ADAM19: variants seen among roughly 807,000 people sequenced by gnomAD.
ADAM19 encodes the protein ADAM metallopeptidase domain 19.
ADAM19 carries 65 observed loss-of-function variants against 114.7 expected under a neutral mutation model. The ratio of observed to expected loss-of-function variants is 0.57; its 90% CI spans 0.46 to 0.70. The LOEUF (loss-of-function observed/expected upper bound fraction) is 0.70, where lower values mean the gene tolerates loss of function less well. Among genes scored for constraint, ADAM19 ranks in the 30% least tolerant of loss-of-function variants. ADAM19 has a pLI of 0.00. For missense variants in ADAM19, 1,063 were observed against 1,204.7 expected (o/e 0.88, Z 1.74); for synonymous variants, 466 against 460.5 (o/e 1.01, Z -0.15).
chr5:157,573,211 T>C (rs987150934), intron 1 of ADAM19, among the ~76,000 whole-genome samples: 1 of 152,132 alleles, frequency 6.6e-6, no homozygotes, highest in African/African-American at 2.4e-5. Flanking sequence ...AGGAACATAG[T>C]ACATGTTAAG....
At position 157,561,586 on chromosome 5, in the gene ADAM19, G is replaced by A. The variant is rs560404484; in HGVS notation, c.251+2787C>T. Among the ~76,000 whole-genome samples the A allele has an allele frequency of 1.4e-3, 210 of 152,154 alleles. 1 individual carries two copies. Among genetic ancestry groups the A allele is most frequent in the African/African-American group, 4.9e-3 (205 of 41,510 alleles). On this transcript the variant is annotated intron_variant, in intron 3 of 22. Coordinates refer to ENST00000257527, the MANE Select transcript of ADAM19 (RefSeq NM_033274.5). ...ATCATCTATTAGGGCCTTGGAACGT[G>A]GCTGTTCCCTCTCCTTGGAATTGTC...
chr5:157,530,795 A>C lies in ADAM19; in HGVS notation c.407+12T>G, dbSNP rs777072888. ...AGTGCCCGGTGCCACCTGCAGCCTC[A>C]GGGTCTCTTACCTAATTCCTCGGCA... is the stretch of plus-strand genomic sequence containing the variant. On this transcript the variant is annotated intron_variant, in intron 5 of 22. Coordinates refer to ENST00000257527, the MANE Select transcript of ADAM19 (RefSeq NM_033274.5). The C allele has an allele frequency of 6.2e-7, 1 of 1,612,682 alleles. No individual in the cohort carries two copies. The highest frequency in any genetic ancestry group is 8.5e-7 in the Non-Finnish European group (1 of 1,178,750).
chr5:157,484,389 C>T (rs112372161), intron 21 of ADAM19, among the ~76,000 whole-genome samples: 19 of 152,218 alleles, frequency 1.2e-4, no homozygotes, highest in Non-Finnish European at 2.5e-4. Flanking sequence ...GTGCTCAACA[C>T]GTATTAGTTG....
At chr5:157,525,345 G>T (rs1268627782) in intron 5 of ADAM19, among the ~76,000 whole-genome samples, 1 of 152,068 alleles carries the variant, frequency 6.6e-6, no homozygotes, top group Non-Finnish European at 1.5e-5. Flanking sequence ...TCTGCCCCAG[G>T]CTCCCACCTC....
intron 12 of ADAM19, among the ~76,000 whole-genome samples, chr5:157,501,420 A>G (rs1755559054): frequency 6.6e-6 from 1 of 152,160 alleles, no homozygotes; most frequent in Non-Finnish European, 1.5e-5. Flanking sequence ...TTTTGCAATT[A>G]TTTCAATATG....
chr5:157,539,352 G>C (rs1756852844), intron 3 of ADAM19, among the ~76,000 whole-genome samples: 1 of 152,138 alleles, frequency 6.6e-6, no homozygotes, highest in Non-Finnish European at 1.5e-5. Context: ...TGTAGGCTGA[G>C]GCCAGCACAG....
intron 12 of ADAM19, 114 bp from the exon 13 acceptor site, chr5:157,499,776 T>G: frequency 2.0e-5 from 6 of 300,626 alleles, no homozygotes; most frequent in Non-Finnish European, 2.4e-5. Context: ...ACTATCTCTT[T>G]TTTTTTTTTT....
In ADAM19 at chr5:157,491,658, C is replaced by G. The variant is rs763343405; in HGVS notation, c.2052G>C (p.Pro684=). The G allele has an allele frequency of 1.9e-6, 3 of 1,566,052 alleles. No individual in the cohort carries two copies. The highest frequency in any genetic ancestry group is 1.7e-6 in the Non-Finnish European group (2 of 1,154,546). Residue 684 remains proline, a synonymous_variant, in exon 18 of 23, where the codon CCG becomes CCC. Coordinates refer to ENST00000257527, the MANE Select transcript of ADAM19 (RefSeq NM_033274.5). ...PGWAPPFCNT[P]GHGGSIDSGP... The stretch of plus-strand genomic sequence containing the variant: ...CACTGTCGATACTGCCCCCGTGGCC[C>G]GGTGTGTTGCAGAAGGGCGGGGCCC...
chr5:157,519,356 G>A (rs952522667), intron 6 of ADAM19, among the ~76,000 whole-genome samples: 5 of 152,030 alleles, frequency 3.3e-5, no homozygotes, highest in East Asian at 1.9e-4. Context: ...GCAGGGTCTC[G>A]CTCTGTCACC....
Position 157,477,659 on chromosome 5 carries a change from T to C in ADAM19, c.*3290A>G. On this transcript the variant is annotated 3_prime_UTR_variant, in exon 23 of 23. Coordinates refer to ENST00000257527, the MANE Select transcript of ADAM19 (RefSeq NM_033274.5). Reference sequence around the variant, plus strand: ...GGCTTTCTTGGGTGTCCAGCAGAGCTGTTATACACGTGGTTAACACAATTA... The same window carrying C: ...GGCTTTCTTGGGTGTCCAGCAGAGCCGTTATACACGTGGTTAACACAATTA... 2 of 1,289,560 alleles carry C rather than the reference T, an allele frequency of 1.6e-6. No homozygotes were observed. Among genetic ancestry groups the C allele is most frequent in the South Asian group, 2.5e-5 (2 of 81,010 alleles). 79.9% of individuals were successfully genotyped at this position (1,289,560 alleles called of 1,614,324 possible).
At chr5:157,533,756 A>G (rs1756687687) in intron 4 of ADAM19, among the ~76,000 whole-genome samples, 1 of 151,928 alleles carries the variant, frequency 6.6e-6, no homozygotes, top group Non-Finnish European at 1.5e-5. Context: ...CATGAGGTCA[A>G]GAGATCTAGA....
chr5:157,491,449 A>G (rs1755152662), intron 18 of ADAM19, among the ~76,000 whole-genome samples, 166 bp downstream of exon 18: 1 of 152,238 alleles, frequency 6.6e-6, no homozygotes, highest in Non-Finnish European at 1.5e-5. Flanking sequence ...ACACCACACT[A>G]TGAGCAGTCG....
At chr5:157,554,400 T>TGCGGATCCCTGGAAGGAGAG (rs1757308467) in intron 3 of ADAM19, among the ~76,000 whole-genome samples, 1 of 152,258 alleles carries the variant, frequency 6.6e-6, no homozygotes, top group Non-Finnish European at 1.5e-5. Flanking sequence ...CAGCCCTGGC[T>TGCGGATCCCTGGAAGGAGAG]GCGGATCCCT....
At chr5:157,530,289 A>T (rs971349833) in intron 5 of ADAM19, among the ~76,000 whole-genome samples, 2 of 152,144 alleles carry the variant, frequency 1.3e-5, no homozygotes, top group South Asian at 4.1e-4. Flanking sequence ...CAGGTATAGG[A>T]CAACTAAGGA....
intron 1 of ADAM19, among the ~76,000 whole-genome samples, chr5:157,573,481 C>T (rs1757885681): frequency 6.6e-6 from 1 of 152,202 alleles, no homozygotes; most frequent in South Asian, 2.1e-4. Context: ...CACAATGGCT[C>T]ACGCCTGTAA....
chr5:157,480,669 G>C lies in ADAM19; in HGVS notation c.*280C>G, dbSNP rs1754718589. On this transcript the variant is annotated 3_prime_UTR_variant, in exon 23 of 23. Transcript: ENST00000257527. ...ACCTCGGGGCTAGGAGTCTGGAGGAGAAGCTGCCAGTCACCCTCCTCATAC... is the reference window on the plus strand; with the variant it reads ...ACCTCGGGGCTAGGAGTCTGGAGGACAAGCTGCCAGTCACCCTCCTCATAC... 2 of 1,244,458 alleles carry C rather than the reference G, an allele frequency of 1.6e-6. No individual in the cohort carries two copies. Among genetic ancestry groups the C allele is most frequent in the South Asian group, 4.2e-5 (2 of 47,492 alleles). The allele number at this position is 1,244,458 out of a possible 1,614,324, so 77.1% of individuals were successfully genotyped here. A position where few individuals can be genotyped will look rare whatever the true frequency, so the allele number is the denominator to read the frequency against.
intron 13 of ADAM19, among the ~76,000 whole-genome samples, chr5:157,499,206 T>C (rs1325953591): frequency 6.6e-6 from 1 of 152,040 alleles, no homozygotes; most frequent in Non-Finnish European, 1.5e-5. Context: ...TACATAAAAT[T>C]CCCAGCACAG....
Position 157,493,047 on chromosome 5 carries a change from G to C in ADAM19, c.1834C>G (p.Arg612Gly). The C allele has an allele frequency of 2.5e-6, 4 of 1,614,228 alleles. No individual in the cohort carries two copies. Among genetic ancestry groups the C allele is most frequent in the Non-Finnish European group, 3.4e-6 (4 of 1,180,040 alleles). The part of the protein sequence containing the change: ...QIQCRGTHVY[R>G]GPEEEGDMLD... ...ATGTCACCCTCCTCCTCAGGACCTC[G>C]GTAGACGTGGGTGCCCCGGCACTGG... is the stretch of plus-strand genomic sequence containing the variant. Residue 612 changes from arginine to glycine, a missense_variant, in exon 16 of 23, where the codon CGA (arginine) becomes GGA (glycine). By Grantham distance (125) the Arg-to-Gly change is moderately radical (BLOSUM62 -2). This residue lies in a region of ADAM19 where 424 missense variants were observed against 445.5 expected (regional missense o/e 0.95). Transcript: ENST00000257527.
At chr5:157,509,758 A>G (rs11134779) in intron 8 of ADAM19, among the ~76,000 whole-genome samples, 63,693 of 152,030 alleles carry the variant, frequency 0.42, 14,463 homozygotes, top group African/African-American at 0.6. Flanking sequence ...GCAGAACTGC[A>G]GTGACTTTGT....
Sources: gnomAD v4.1 joint callset for allele counts (sites outside exome capture counted in the v4.1 genomes callset) on GRCh38, gnomAD v4.1.1 for gene constraint, gnomAD v4.1.1 regional missense constraint, MANE v1.5 for transcripts, NCBI Gene and HGNC (gene_info 2026-07-23, HGNC 2026-07-21) for gene names.